ANGPT2: variants seen among roughly 807,000 people sequenced by gnomAD.
ANGPT2 encodes the protein angiopoietin-2.
A neutral mutation model predicts 62.9 loss-of-function variants in ANGPT2; 28 were observed. That is an observed-to-expected ratio of 0.44 (90% CI 0.33 to 0.61). The LOEUF (loss-of-function observed/expected upper bound fraction) is 0.61. Ranked by LOEUF, ANGPT2 falls within the 20% of genes least tolerant of loss-of-function variation. The pLI, the probability that ANGPT2 is intolerant of heterozygous loss-of-function variation, is 0.03. For synonymous variants in ANGPT2, 284 were observed against 207.8 expected (o/e 1.37, Z -3.15); for missense variants, 727 against 594.9 (o/e 1.22, Z -2.31).
At chr8:6,554,321 G>A (rs976784173) in intron 1 of ANGPT2, among the ~76,000 whole-genome samples, 1 of 151,356 alleles carries the variant, frequency 6.6e-6, no homozygotes, top group Non-Finnish European at 1.5e-5. Flanking sequence ...AAAAAAAAAT[G>A]GAAAGGCTGG....
intron 4 of ANGPT2, 62 bp downstream of exon 4, chr8:6,521,115 CT>C: frequency 1.4e-6 from 2 of 1,381,912 alleles, no homozygotes; most frequent in Admixed American, 2.1e-5. Flanking sequence ...ATTTTTTAGT[CT>C]TTTGAGTGTT....
At chr8:6,530,508 C>CAAA (rs55729820) in intron 2 of ANGPT2, among the ~76,000 whole-genome samples, 2 of 98,034 alleles carry the variant, frequency 2.0e-5, no homozygotes, top group Admixed American at 1.2e-4. Flanking sequence ...GACTCTGTCT[C>CAAA]AAAAAAAAAA....
At chr8:6,554,331 G>T (rs10216456) in intron 1 of ANGPT2, among the ~76,000 whole-genome samples, 4,299 of 151,726 alleles carry the variant, frequency 0.028, 137 homozygotes, top group African/African-American at 0.073. Context: ...GGAAAGGCTG[G>T]CTGCTTGCTT....
Position 6,521,290 on chromosome 8 carries a change from T to G in ANGPT2, c.687A>C (p.Glu229Asp). ...LVSKQNSIIE[E>D]LEKKIVTATV... ...TGGCAGTCACTATTTTTTTTTCTAG[T>G]TCTTCAATGATGGAATTTTGCTTGG... Residue 229 changes from glutamate (E) to aspartate (D), a missense_variant, in exon 4 of 9, where the codon GAA (glutamate) becomes GAC (aspartate). Physicochemically the swap from Glu to Asp is conservative, Grantham distance 45 (BLOSUM62 2). Coordinates refer to ENST00000629816, the MANE Select transcript of ANGPT2 (RefSeq NM_001118887.2). The G allele has an allele frequency of 6.2e-7, 1 of 1,613,936 alleles. No individual in the cohort carries two copies. The highest frequency in any genetic ancestry group is 8.5e-7 in the Non-Finnish European group (1 of 1,179,936).
intron 3 of ANGPT2, among the ~76,000 whole-genome samples, chr8:6,526,883 T>C (rs1451234112): frequency 6.6e-6 from 1 of 152,148 alleles, no homozygotes. Context: ...CCCCTACAAT[T>C]TTTTTTCTAT....
In ANGPT2 at chr8:6,499,644, G is replaced by A. The variant is rs114373469; in HGVS notation, c.*3457C>T. 1.7e-3 allele frequency: 882 copies of A among 517,064 alleles called. 5 individuals are homozygous for A. Among genetic ancestry groups the A allele is most frequent in the African/African-American group, 0.012 (621 of 52,414 alleles). The allele number at this position is 517,064 out of a possible 1,614,324, so 32.0% of individuals were successfully genotyped here. ...ATAATGACTCAGATTTCTTGTTATC[G>A]TGAGACTTTTTCTCAATCAACTTTT... On this transcript the variant is annotated 3_prime_UTR_variant, in exon 9 of 9. Transcript: ENST00000629816.
intron 1 of ANGPT2, among the ~76,000 whole-genome samples, chr8:6,540,222 A>T (rs568306825): frequency 6.6e-6 from 1 of 152,170 alleles, no homozygotes; most frequent in East Asian, 1.9e-4. Context: ...TTCCACATAT[A>T]TTCATATCAT....
rs542988065 is a variant in ANGPT2 at position 6,561,990 on chromosome 8, C to T, written c.288+657G>A. ...ATTCCGCACCGGTTGCTGGAACTGA[C>T]GGGGGCTGCAGTGCTGAATACCTCT... On this transcript the variant is annotated intron_variant, in intron 1 of 8. Coordinates refer to ENST00000629816, the MANE Select transcript of ANGPT2 (RefSeq NM_001118887.2). 1.3e-4 allele frequency among the ~76,000 whole-genome samples: 20 copies of T among 152,282 alleles called. No individual in the cohort carries two copies. In the South Asian group the frequency reaches 3.7e-3, roughly 28 times the overall value.
rs1812323079 is a variant in ANGPT2 at position 6,502,204 on chromosome 8, TA to T, written c.*896del. On this transcript the variant is annotated 3_prime_UTR_variant, in exon 9 of 9. Transcript: ENST00000629816. ...GTATAATTTTCCTCATCATTAAAAG[TA>T]AGAAGTTTCCTTATCACAAGGCACA... 1 of 152,138 alleles carries T rather than the reference TA, an allele frequency of 6.6e-6. No homozygotes were observed. Among genetic ancestry groups the T allele is most frequent in the Admixed American group, 6.5e-5 (1 of 15,270 alleles). The allele number at this position is 152,138 out of a possible 1,614,324, so 9.4% of individuals were successfully genotyped here.
At position 6,546,340 on chromosome 8, in the gene ANGPT2, G is replaced by C. The variant is rs536810410; in HGVS notation, c.289-13853C>G. 5.3e-5 allele frequency among the ~76,000 whole-genome samples: 8 copies of C among 152,322 alleles called. No homozygotes were observed. The South Asian group carries it at 1.2e-3, about 24-fold the overall frequency. On this transcript the variant is annotated intron_variant, in intron 1 of 8. Transcript: ENST00000629816. ...GCAGTTCACCGTTTCAACAGTATCA[G>C]CTTGTACCTCTGTAAAGCTAGGTTT...
At chr8:6,520,105 CA>C in intron 4 of ANGPT2, 114 bp from the exon 5 acceptor site, 1 of 1,228,478 alleles carries the variant, frequency 8.1e-7, no homozygotes, top group South Asian at 1.7e-5. Flanking sequence ...CTTAAGTAAG[CA>C]AAAGGCTGTA....
chr8:6,512,502 G>C (rs1815360488), intron 7 of ANGPT2, among the ~76,000 whole-genome samples: 2 of 152,152 alleles, frequency 1.3e-5, no homozygotes, highest in African/African-American at 4.8e-5. Flanking sequence ...TTCATAATGT[G>C]TGCTCCATGA....
Position 6,502,994 on chromosome 8 carries a change from C to G in ANGPT2, c.*107G>C, listed in dbSNP as rs1036670599. The G allele has an allele frequency of 7.5e-7, 1 of 1,333,448 alleles. No homozygotes were observed. The highest frequency in any genetic ancestry group is 1.5e-5 in the African/African-American group (1 of 68,964). The allele number at this position is 1,333,448 out of a possible 1,614,324, so 82.6% of individuals were successfully genotyped here. A position where few individuals can be genotyped will look rare whatever the true frequency, so the allele number is the denominator to read the frequency against. ...GTGGGTCCCGTCAGCACCGAGCACACGCCCTCTGTGGTGGAAGAGGACACA... is the reference window on the plus strand; with the variant it reads ...GTGGGTCCCGTCAGCACCGAGCACAGGCCCTCTGTGGTGGAAGAGGACACA... On this transcript the variant is annotated 3_prime_UTR_variant, in exon 9 of 9. Transcript: ENST00000629816.
At chr8:6,532,790 G>A (rs980574875) in intron 1 of ANGPT2, among the ~76,000 whole-genome samples, 1 of 152,270 alleles carries the variant, frequency 6.6e-6, no homozygotes, top group East Asian at 1.9e-4. Context: ...AGGGTGGTGA[G>A]GGCAGCCACA....
rs111398841 is a variant in ANGPT2 at position 6,563,139 on chromosome 8, T to G, written c.-205A>C. The G allele has an allele frequency of 8.8e-5, 44 of 502,278 alleles. No homozygotes were observed. The highest frequency in any genetic ancestry group is 1.3e-4 in the Non-Finnish European group (38 of 282,830). 31.1% of individuals were successfully genotyped at this position (502,278 alleles called of 1,614,324 possible). A position where few individuals can be genotyped will look rare whatever the true frequency, so the allele number is the denominator to read the frequency against. On this transcript the variant is annotated 5_prime_UTR_variant, in exon 1 of 9. Coordinates refer to ENST00000629816, the MANE Select transcript of ANGPT2 (RefSeq NM_001118887.2). ...TCCAGGCATGCAGTAAACTGTCAGA[T>G]TGCAGTGGGAAGAACAGTCCTGCTC...
At chr8:6,519,757 G>A (rs1272126996) in intron 5 of ANGPT2, 107 bp downstream of exon 5, 1 of 1,425,638 alleles carries the variant, frequency 7.0e-7, no homozygotes, top group East Asian at 2.3e-5. Flanking sequence ...TGTACTGTGT[G>A]AGGCTGGGGA....
intron 5 of ANGPT2, among the ~76,000 whole-genome samples, chr8:6,515,555 C>T (rs1178741989): frequency 6.6e-6 from 1 of 152,184 alleles, no homozygotes; most frequent in Non-Finnish European, 1.5e-5. Flanking sequence ...AGAATTCTTT[C>T]TTAAGCTAAG....
At chr8:6,519,174 C>T (rs1400202471) in intron 5 of ANGPT2, among the ~76,000 whole-genome samples, 1 of 152,182 alleles carries the variant, frequency 6.6e-6, no homozygotes, top group Non-Finnish European at 1.5e-5. Context: ...AGGTTAGAAT[C>T]GCCTTCCCCA....
intron 4 of ANGPT2, among the ~76,000 whole-genome samples, chr8:6,520,419 G>A (rs1410145052): frequency 6.6e-6 from 1 of 152,102 alleles, no homozygotes; most frequent in African/African-American, 2.4e-5. Flanking sequence ...TGCCCCTTCA[G>A]GCCATTATCC....
Sources: allele counts gnomAD v4.1 joint callset (sites outside exome capture counted in the v4.1 genomes callset), GRCh38; gene constraint gnomAD v4.1.1; transcripts MANE v1.5; gene names NCBI Gene and HGNC (gene_info 2026-07-23, HGNC 2026-07-21).